CACNA2D1: variants seen among roughly 807,000 people sequenced by gnomAD.
CACNA2D1 encodes voltage-dependent calcium channel subunit alpha-2/delta-1.
In CACNA2D1, 53 loss-of-function variants were observed where a neutral mutation model predicts 171.5. The observed-to-expected ratio is 0.31, with a 90% CI of 0.25 to 0.39. The LOEUF is 0.39. Among genes scored for constraint, CACNA2D1 ranks in the 10% least tolerant of loss-of-function variants. CACNA2D1 has a pLI of 1.00. For missense variants in CACNA2D1, 903 were observed against 1,299.8 expected, an observed-to-expected ratio of 0.69 and a Z score of 4.69; for synonymous variants, 442 against 443.1, an observed-to-expected ratio of 1.00 and a Z score of 0.03.
intron 5 of CACNA2D1, among the ~76,000 whole-genome samples, chr7:82,130,690 C>T (rs1294135551): frequency 6.6e-6 from 1 of 151,518 alleles, no homozygotes; most frequent in African/African-American, 2.4e-5. Context: ...GTTAAAATAA[C>T]CAGAGCCTCA....
At chr7:82,383,864 A>G (rs1823996069) in intron 1 of CACNA2D1, among the ~76,000 whole-genome samples, 1 of 152,252 alleles carries the variant, frequency 6.6e-6, no homozygotes, top group African/African-American at 2.4e-5. Flanking sequence ...TACTGACAGT[A>G]GCAAACATTT....
chr7:82,020,328 AG>A (rs769430339), intron 12 of CACNA2D1, among the ~76,000 whole-genome samples: 2 of 152,174 alleles, frequency 1.3e-5, no homozygotes, highest in Non-Finnish European at 2.9e-5. Flanking sequence ...TTCAGACTGT[AG>A]ATTACCATCT....
chr7:82,276,327 G>T (rs1809318708), intron 3 of CACNA2D1, among the ~76,000 whole-genome samples: 1 of 152,136 alleles, frequency 6.6e-6, no homozygotes. Flanking sequence ...TCGCACCTGG[G>T]ACTTGGCCAA....
chr7:81,970,630 G>T, intron 27 of CACNA2D1, 45 bp downstream of exon 27: 2 of 1,023,908 alleles, frequency 2.0e-6, no homozygotes, highest in Non-Finnish European at 3.1e-6. Flanking sequence ...CCTTGGCGCA[G>T]TCTTTTGTAA....
At chr7:82,175,066 A>G (rs1446491837) in intron 3 of CACNA2D1, among the ~76,000 whole-genome samples, 1 of 152,062 alleles carries the variant, frequency 6.6e-6, no homozygotes, top group Non-Finnish European at 1.5e-5. Context: ...TTTCCAAAAA[A>G]AAGACTATTT....
At chr7:82,337,500 A>G (rs1818139685) in intron 2 of CACNA2D1, among the ~76,000 whole-genome samples, 1 of 152,156 alleles carries the variant, frequency 6.6e-6, no homozygotes. Flanking sequence ...AACTCTTTCC[A>G]TCACTAAGAC....
intron 12 of CACNA2D1, among the ~76,000 whole-genome samples, chr7:82,016,960 G>A (rs1800560276): frequency 6.6e-6 from 1 of 151,854 alleles, no homozygotes; most frequent in South Asian, 2.1e-4. Flanking sequence ...TTATTTTCCT[G>A]AAATTTTATT....
At chr7:82,439,716 C>T (rs115064155) in intron 1 of CACNA2D1, among the ~76,000 whole-genome samples, 3 of 151,020 alleles carry the variant, frequency 2.0e-5, no homozygotes, top group Non-Finnish European at 3.0e-5. Context: ...TTACTACTTA[C>T]GTGGAAAAAT....
intron 3 of CACNA2D1, among the ~76,000 whole-genome samples, chr7:82,294,597 C>T (rs740340): frequency 0.52 from 78,242 of 151,766 alleles, 21,021 homozygotes; most frequent in African/African-American, 0.67. Context: ...AAGTATCTCC[C>T]AATGTTAAAA....
chr7:81,967,552 G>T, intron 30 of CACNA2D1, 44 bp downstream of exon 30: 1 of 1,044,062 alleles, frequency 9.6e-7, no homozygotes. Context: ...ATTGAATTTT[G>T]AAAACATTAA....
chr7:82,402,507 T>A (rs1469097887), intron 1 of CACNA2D1, among the ~76,000 whole-genome samples: 1 of 151,576 alleles, frequency 6.6e-6, no homozygotes, highest in Non-Finnish European at 1.5e-5. Flanking sequence ...GATCAGGAGA[T>A]CGAGACCATC....
chr7:82,178,717 T>C (rs929498403), intron 3 of CACNA2D1, among the ~76,000 whole-genome samples: 5 of 152,142 alleles, frequency 3.3e-5, no homozygotes, highest in Admixed American at 3.3e-4. Flanking sequence ...AATAGCAATA[T>C]AATTATCCTG....
intron 1 of CACNA2D1, among the ~76,000 whole-genome samples, chr7:82,420,024 T>C (rs1280820268): frequency 6.6e-6 from 1 of 152,278 alleles, no homozygotes; most frequent in East Asian, 1.9e-4. Context: ...CCCCCCGCCC[T>C]TCCACTTCAA....
intron 9 of CACNA2D1, among the ~76,000 whole-genome samples, chr7:82,061,466 AC>A (rs753864781): frequency 6.6e-6 from 1 of 152,156 alleles, no homozygotes; most frequent in Non-Finnish European, 1.5e-5. Context: ...TTCTAGAAAC[AC>A]ATCCTGACCT....
At chr7:82,317,660 G>A (rs1286715174) in intron 3 of CACNA2D1, among the ~76,000 whole-genome samples, 7 of 152,026 alleles carry the variant, frequency 4.6e-5, no homozygotes, top group Non-Finnish European at 1.0e-4. Context: ...TGTCAACTAA[G>A]GACTGGAGAC....
At chr7:82,005,896 C>A in intron 16 of CACNA2D1, 57 bp from the exon 17 acceptor site, 1 of 966,448 alleles carries the variant, frequency 1.0e-6, no homozygotes, top group Non-Finnish European at 1.7e-6. Flanking sequence ...TATTTTTACA[C>A]AATTATCATA....
chr7:82,251,850 A>G (rs778672875), intron 3 of CACNA2D1, among the ~76,000 whole-genome samples: 12 of 152,312 alleles, frequency 7.9e-5, no homozygotes, highest in Non-Finnish European at 1.3e-4. Flanking sequence ...ATCTGATGAC[A>G]CATCCTTAGC....
chr7:82,111,691 C>T (rs114691028), intron 6 of CACNA2D1, among the ~76,000 whole-genome samples: 3,540 of 151,726 alleles, frequency 0.023, 153 homozygotes, highest in African/African-American at 0.08. Flanking sequence ...TCAATCGATC[C>T]GCCCACTTTG....
chr7:81,989,516 T>C (rs1454136443), intron 21 of CACNA2D1, among the ~76,000 whole-genome samples: 1 of 152,094 alleles, frequency 6.6e-6, no homozygotes, highest in Non-Finnish European at 1.5e-5. Context: ...TGAGCGAAAA[T>C]GATGAGACAG....
Sources: allele counts gnomAD v4.1 joint callset (sites outside exome capture counted in the v4.1 genomes callset), GRCh38; gene constraint gnomAD v4.1.1; transcripts MANE v1.5; gene names NCBI Gene and HGNC (gene_info 2026-07-23, HGNC 2026-07-21).